WRN: variants seen among roughly 807,000 people sequenced by gnomAD.
WRN encodes the protein bifunctional 3'-5' exonuclease/ATP-dependent helicase WRN.
Under a neutral mutation model 180.7 loss-of-function variants are expected in WRN, and 149 were observed. That is an observed-to-expected ratio of 0.82 (90% CI 0.72 to 0.94). The LOEUF (loss-of-function observed/expected upper bound fraction) is 0.94. WRN is among the 40% of genes least tolerant of loss of function. The pLI is 0.00. For synonymous variants in WRN, 548 were observed against 568.9 expected, an observed-to-expected ratio of 0.96 and a Z score of 0.52; for missense variants, 1,661 against 1,700.1, an observed-to-expected ratio of 0.98 and a Z score of 0.40.
chr8:31,049,229 A>AG (rs1208190444), intron 1 of WRN, among the ~76,000 whole-genome samples: 34 of 150,060 alleles, frequency 2.3e-4, no homozygotes, highest in Admixed American at 2.2e-3. Context: ...AAAAAAAAAA[A>AG]AAAAAAAAGA....
At position 31,058,395 on chromosome 8, in the gene WRN, A is replaced by G; in HGVS notation, c.-53A>G. The G allele has an allele frequency of 6.8e-7, 1 of 1,472,820 alleles. No individual in the cohort carries two copies. Among genetic ancestry groups the G allele is most frequent in the Admixed American group, 1.7e-5 (1 of 57,636 alleles). 91.2% of individuals were successfully genotyped at this position (1,472,820 alleles called of 1,614,324 possible). On this transcript the variant is annotated 5_prime_UTR_variant, in exon 2 of 35. Transcript: ENST00000298139. ...AGTTTTCTTTCAGATATTGTTTTGT[A>G]TTTACCCATGAAGACATTGTTTTTT...
At chr8:31,119,592 A>G (rs1248371919) in intron 20 of WRN, among the ~76,000 whole-genome samples, 1 of 151,904 alleles carries the variant, frequency 6.6e-6, no homozygotes, top group African/African-American at 2.4e-5. Flanking sequence ...TACGATTTAC[A>G]TAATTATTAC....
chr8:31,047,138 A>AT (rs549940818), intron 1 of WRN, among the ~76,000 whole-genome samples: 1,534 of 115,256 alleles, frequency 0.013, 23 homozygotes, highest in African/African-American at 0.029. Flanking sequence ...GGCAATGCTG[A>AT]TTTTTTTTTT....
chr8:31,149,461 T>TG (rs764680837), intron 30 of WRN, among the ~76,000 whole-genome samples: 5,192 of 24,274 alleles, frequency 0.21, 613 homozygotes, highest in South Asian at 0.31. Flanking sequence ...AGGTGTTTTT[T>TG]TTTTTTTTTT....
At position 31,058,370 on chromosome 8, in the gene WRN, A is replaced by C; in HGVS notation, c.-76-2A>C. 8.2e-7 allele frequency: 1 copy of C among 1,226,846 alleles called. No individual in the cohort carries two copies. The highest frequency in any genetic ancestry group is 2.5e-5 in the East Asian group (1 of 40,658). 76.0% of individuals were successfully genotyped at this position (1,226,846 alleles called of 1,614,324 possible). A position where few individuals can be genotyped will look rare whatever the true frequency, so the allele number is the denominator to read the frequency against. On this transcript the variant is annotated splice_acceptor_variant, in intron 1 of 34. Transcript: ENST00000298139. LOFTEE classifies it low-confidence loss of function (5UTR_SPLICE). ...ATTCATATTGACAGTACTACCTCTC[A>C]GTTTTCTTTCAGATATTGTTTTGTA... is the stretch of plus-strand genomic sequence containing the variant.
rs766408313 is a variant in WRN at position 31,154,620 on chromosome 8, G to A, written c.3688-4G>A. The A allele has an allele frequency of 1.3e-5, 21 of 1,610,504 alleles. No individual in the cohort carries two copies. Among genetic ancestry groups the A allele is most frequent in the Non-Finnish European group, 1.8e-5 (21 of 1,177,816 alleles). On this transcript the variant is annotated splice_polypyrimidine_tract_variant and splice_region_variant and intron_variant, in intron 31 of 34. Coordinates refer to ENST00000298139, the MANE Select transcript of WRN (RefSeq NM_000553.6). Reference sequence around the variant, plus strand: ...TCATTTGTGCTACATTAAAAATTCTGTAGACAGACCTCTTTTCAAGTACAA... The same window carrying A: ...TCATTTGTGCTACATTAAAAATTCTATAGACAGACCTCTTTTCAAGTACAA...
chr8:31,104,736 TC>T (rs1482045693), intron 18 of WRN, among the ~76,000 whole-genome samples: 9 of 152,338 alleles, frequency 5.9e-5, no homozygotes, highest in African/African-American at 1.9e-4. Flanking sequence ...TTGCAGCAGA[TC>T]CTTTGTTGAA....
intron 19 of WRN, among the ~76,000 whole-genome samples, chr8:31,115,272 A>T (rs1221567689): frequency 6.6e-6 from 1 of 152,204 alleles, no homozygotes; most frequent in East Asian, 1.9e-4. Context: ...AATTTTTGAT[A>T]TTGAAGCCCA....
At chr8:31,143,061 TCTC>T (rs201039757) in intron 27 of WRN, among the ~76,000 whole-genome samples, 9,355 of 150,542 alleles carry the variant, frequency 0.062, 345 homozygotes, top group Non-Finnish European at 0.068. Flanking sequence ...ACACATTCTC[TCTC>T]TCTCTCTCTC....
rs569496497 is a variant in WRN, at chr8:31,081,318, C to A, written c.1269+22C>A. ...TGAGGTACTAAATAAAGAGGAAGCA[C>A]ATTTTTAGTTATTAGTAGGTTCTGG... is the stretch of plus-strand genomic sequence containing the variant. On this transcript the variant is annotated intron_variant, in intron 9 of 34. Transcript: ENST00000298139. The A allele has an allele frequency of 1.1e-5, 17 of 1,611,438 alleles. No individual in the cohort carries two copies. The East Asian group carries it at 3.3e-4, about 32-fold the overall frequency.
At chr8:31,039,238 T>G (rs901518598) in intron 1 of WRN, among the ~76,000 whole-genome samples, 4 of 152,208 alleles carry the variant, frequency 2.6e-5, no homozygotes, top group African/African-American at 9.6e-5. Flanking sequence ...TTCTTTAATT[T>G]CTTTCAGCAG....
intron 33 of WRN, among the ~76,000 whole-genome samples, chr8:31,165,588 A>T (rs1411404983): frequency 3.3e-5 from 5 of 152,084 alleles, no homozygotes; most frequent in Non-Finnish European, 7.4e-5. Flanking sequence ...TTTTTCTGTA[A>T]TAAGCCTTTG....
At chr8:31,090,683 A>ATTT in intron 14 of WRN, 151 bp downstream of exon 14, 1 of 1,047,306 alleles carries the variant, frequency 9.5e-7, no homozygotes, top group Non-Finnish European at 1.4e-6. Flanking sequence ...AGATGCTCAG[A>ATTT]TTTATGTATC....
intron 34 of WRN, 150 bp from the exon 35 acceptor site, chr8:31,172,845 C>G: frequency 1.5e-6 from 1 of 654,714 alleles, no homozygotes; most frequent in Non-Finnish European, 2.6e-6. Flanking sequence ...ACTTTTTGAT[C>G]CAGAAATAAA....
chr8:31,141,704 T>C lies in WRN; in HGVS notation c.3162T>C (p.Ala1054=), dbSNP rs111426441. Residue 1054 remains alanine, a synonymous_variant, in exon 26 of 35, where the codon GCT becomes GCC. Transcript: ENST00000298139. ...AGGGTAGAAATTGGCTTCATAAAGC[T>C]AATACAGAATCTCAGAGCCTCATCC... The part of the protein sequence containing the change: ...TKKGRNWLHK[A]NTESQSLILQ... The C allele has an allele frequency of 3.7e-6, 6 of 1,614,104 alleles. No homozygotes were observed. The African/African-American group carries it at 6.7e-5, about 18-fold the overall frequency.
intron 34 of WRN, chr8:31,171,002 A>G (rs564105389): frequency 6.6e-6 from 1 of 152,336 alleles, no homozygotes; most frequent in African/African-American, 2.4e-5. Context: ...TTGCTATTTT[A>G]CATTTATTCT....
chr8:31,165,308 A>G (rs1467183340), intron 33 of WRN, among the ~76,000 whole-genome samples: 2 of 152,078 alleles, frequency 1.3e-5, no homozygotes, highest in African/African-American at 4.8e-5. Context: ...CTAAATACCC[A>G]TGGAAGAAAA....
chr8:31,154,687 A>G lies in WRN; in HGVS notation c.3751A>G (p.Lys1251Glu). The change falls in exon 32 of 35, where the codon AAA becomes GAA. Residue 1251 changes from lysine to glutamate, a missense_variant. Coordinates refer to ENST00000298139, the MANE Select transcript of WRN (RefSeq NM_000553.6). ...EQKTSLVAKN[K>E]ICTLSQSMAI... ...GAAGACGAGTCTGGTAGCAAAAAATAAAATATGCACACTTTCACAGTCTAT... is the reference window on the plus strand; with the variant it reads ...GAAGACGAGTCTGGTAGCAAAAAATGAAATATGCACACTTTCACAGTCTAT... 1 of 1,613,704 alleles carries G rather than the reference A, an allele frequency of 6.2e-7. No homozygotes were observed. Among genetic ancestry groups the G allele is most frequent in the Non-Finnish European group, 8.5e-7 (1 of 1,179,750 alleles).
At chr8:31,172,138 T>A (rs550183462) in intron 34 of WRN, among the ~76,000 whole-genome samples, 1 of 147,094 alleles carries the variant, frequency 6.8e-6, no homozygotes, top group East Asian at 2.1e-4. Flanking sequence ...AAACACTACC[T>A]TTGTGTGTGT....
Sources: allele counts gnomAD v4.1 joint callset (sites outside exome capture counted in the v4.1 genomes callset), GRCh38; gene constraint gnomAD v4.1.1; transcripts MANE v1.5; gene names NCBI Gene and HGNC (gene_info 2026-07-23, HGNC 2026-07-21).